TENM1: variants seen among roughly 807,000 people sequenced by gnomAD.
TENM1 encodes the protein teneurin transmembrane protein 1.
Under a neutral mutation model 174.8 loss-of-function variants are expected in TENM1, and 35 were observed. That is an observed-to-expected ratio of 0.20 (90% CI 0.15 to 0.27). The LOEUF is 0.27. Among genes scored for constraint, TENM1 ranks in the 10% least tolerant of loss-of-function variants. The pLI, the probability that TENM1 is intolerant of heterozygous loss-of-function variation, is 1.00. For missense variants in TENM1, 1,633 were observed against 2,130.1 expected, an observed-to-expected ratio of 0.77 and a Z score of 4.59; for synonymous variants, 781 against 798.7, an observed-to-expected ratio of 0.98 and a Z score of 0.37.
chrX:125,191,580 C>A, the TENM1 span, among the ~76,000 whole-genome samples: 7 of 111,668 alleles, frequency 6.3e-5, no homozygotes, highest in Non-Finnish European at 1.3e-4. Flanking sequence ...AGAAAGTAAA[C>A]CTGGAGAGGT....
chrX:125,102,022 T>C, the TENM1 span, among the ~76,000 whole-genome samples: 3 of 111,712 alleles, frequency 2.7e-5, no homozygotes, highest in Admixed American at 1.9e-4. Context: ...TATAACACCA[T>C]ACAGTGCAAT....
At chrX:124,539,565 T>A (rs1438168915) in intron 15 of TENM1, among the ~76,000 whole-genome samples, 1 of 111,909 alleles carries the variant, frequency 8.9e-6, no homozygotes, top group Non-Finnish European at 1.9e-5. Flanking sequence ...CTTCCCCCAA[T>A]AGGGATTGTC....
chrX:124,620,656 T>A (rs2050496978), intron 11 of TENM1, among the ~76,000 whole-genome samples: 1 of 112,177 alleles, frequency 8.9e-6, no homozygotes, highest in African/African-American at 3.2e-5. Context: ...TTGCTGTGAA[T>A]AACCAAATTG....
At chrX:124,615,886 T>C (rs953035919) in intron 11 of TENM1, among the ~76,000 whole-genome samples, 3 of 112,416 alleles carry the variant, frequency 2.7e-5, no homozygotes, top group African/African-American at 6.5e-5. Flanking sequence ...TATGTTTCTT[T>C]AGGGATGAGG....
the TENM1 span, among the ~76,000 whole-genome samples, chrX:125,103,358 GT>G: frequency 9.0e-6 from 1 of 111,076 alleles, no homozygotes; most frequent in Non-Finnish European, 1.9e-5. Context: ...GTCTCATTTT[GT>G]TTTCATTTGA....
chrX:125,053,835 A>C, the TENM1 span, among the ~76,000 whole-genome samples: 1 of 111,524 alleles, frequency 9.0e-6, no homozygotes, highest in Admixed American at 9.6e-5. Context: ...TGAGACACAG[A>C]CAAGTTAAGT....
At chrX:124,597,647 T>C (rs2049928792) in intron 11 of TENM1, among the ~76,000 whole-genome samples, 1 of 110,565 alleles carries the variant, frequency 9.0e-6, no homozygotes, top group African/African-American at 3.3e-5. Flanking sequence ...AACTTATCCA[T>C]GTAACCAAAC....
intron 3 of TENM1, among the ~76,000 whole-genome samples, chrX:124,817,350 C>T (rs1036591098): frequency 1.8e-5 from 2 of 111,853 alleles, no homozygotes; most frequent in South Asian, 3.7e-4. Context: ...AATAAACATA[C>T]GTGTGCATGT....
the TENM1 span, among the ~76,000 whole-genome samples, chrX:125,146,957 A>G: frequency 9.0e-6 from 1 of 110,637 alleles, no homozygotes; most frequent in African/African-American, 3.3e-5. Context: ...CCACGTTTGT[A>G]TTTTCTCAAA....
chrX:124,617,661 A>G (rs968586835), intron 11 of TENM1, among the ~76,000 whole-genome samples: 3 of 112,234 alleles, frequency 2.7e-5, no homozygotes, highest in African/African-American at 9.7e-5. Flanking sequence ...AGGGGTTTCC[A>G]TCCTGCTGCC....
At chrX:124,432,627 T>C (rs1332485265) in intron 23 of TENM1, among the ~76,000 whole-genome samples, 1 of 111,915 alleles carries the variant, frequency 8.9e-6, no homozygotes, top group Non-Finnish European at 1.9e-5. Context: ...GGTTTCGCCA[T>C]GTTGGCCAGA....
intron 4 of TENM1, among the ~76,000 whole-genome samples, chrX:124,728,929 A>G (rs1375087981): frequency 8.9e-6 from 1 of 112,336 alleles, no homozygotes; most frequent in Non-Finnish European, 1.9e-5. Context: ...CATGGGCACT[A>G]GCATATGGAT....
Position 124,481,987 on chromosome X carries a change from T to C in TENM1, c.3717-23A>G, listed in dbSNP as rs1457946986. Reference sequence around the variant, plus strand: ...GTGCTAAGGAAGAGAAAAGTAAAGTTATTCAAGGCAATTTTTCAACACGAA... The same window carrying C: ...GTGCTAAGGAAGAGAAAAGTAAAGTCATTCAAGGCAATTTTTCAACACGAA... On this transcript the variant is annotated intron_variant, in intron 21 of 31. Coordinates refer to ENST00000422452, the Ensembl canonical transcript of TENM1. 11 of 1,059,821 alleles carry C rather than the reference T, an allele frequency of 1.0e-5. 1 individual carries two copies. The Admixed American group carries it at 1.2e-4, about 11-fold the overall frequency. The allele number at this position is 1,059,821 out of a possible 1,213,427, so 87.3% of individuals were successfully genotyped here.
chrX:124,462,429 T>TGGGGGG (rs1487840715), intron 22 of TENM1, among the ~76,000 whole-genome samples: 2 of 28,819 alleles, frequency 6.9e-5, no homozygotes, highest in African/African-American at 3.6e-4. Context: ...TGTGTGTGTG[T>TGGGGGG]GTGGGGGGGG....
exon 32 of TENM1, chrX:124,380,923 C>T (rs771735389): frequency 2.5e-6 from 3 of 1,209,898 alleles, no homozygotes; most frequent in East Asian, 5.9e-5. Flanking sequence ...CACCATTCTC[C>T]AGAATCCGCC....
chrX:124,890,916 AATAG>A (rs369523994), intron 3 of TENM1, among the ~76,000 whole-genome samples: 51 of 112,399 alleles, frequency 4.5e-4, no homozygotes, highest in African/African-American at 1.4e-3. Flanking sequence ...TCAACAGATG[AATAG>A]ATAAAGAAAA....
chrX:124,937,053 G>GAA lies in TENM1; in HGVS notation c.217+26482_217+26483dup, dbSNP rs774928525. ...AAGAGTGAAACTCTGCCTCAAAAAA[G>GAA]AAAAAAAAAAAAAAAGTAGTGTAAC... On this transcript the variant is annotated intron_variant, in intron 1 of 31. Coordinates refer to ENST00000422452, the Ensembl canonical transcript of TENM1. Among the ~76,000 whole-genome samples, 26 of 66,721 alleles carry GAA rather than the reference G, an allele frequency of 3.9e-4. 1 individual carries two copies. The highest frequency in any genetic ancestry group is 2.0e-3 in the South Asian group (3 of 1,489). The allele number at this position is 66,721 out of a possible 115,157, so 57.9% of individuals were successfully genotyped here. A position where few individuals can be genotyped will look rare whatever the true frequency, so the allele number is the denominator to read the frequency against.
chrX:125,017,872 G>A, the TENM1 span, among the ~76,000 whole-genome samples: 33 of 111,213 alleles, frequency 3.0e-4, no homozygotes, highest in African/African-American at 1.1e-3. Flanking sequence ...CCTATCAGGG[G>A]TTGGGGGCTA....
chrX:125,040,262 A>C, the TENM1 span, among the ~76,000 whole-genome samples: 1 of 110,625 alleles, frequency 9.0e-6, no homozygotes, highest in African/African-American at 3.3e-5. Flanking sequence ...ATTCATTCCT[A>C]ATTTTGCATT....
Sources: allele counts gnomAD v4.1 joint callset (sites outside exome capture counted in the v4.1 genomes callset), GRCh38; gene constraint gnomAD v4.1.1; transcripts MANE v1.5; gene names NCBI Gene and HGNC (gene_info 2026-07-23, HGNC 2026-07-21).